Variants in CALN1 observed in about 807,000 individuals in gnomAD.
CALN1 encodes the protein calneuron 1.
CALN1 carries 17 observed loss-of-function variants against 30.6 expected under a neutral mutation model. The ratio of observed to expected loss-of-function variants is 0.56; its 90% CI spans 0.38 to 0.83. The LOEUF (loss-of-function observed/expected upper bound fraction) is 0.83. CALN1 is among the 40% of genes least tolerant of loss of function. The pLI, the probability that CALN1 is intolerant of heterozygous loss-of-function variation, is 0.00. For missense variants in CALN1, 291 were observed against 354.9 expected (o/e 0.82, Z 1.45); for synonymous variants, 156 against 131.4 (o/e 1.19, Z -1.28).
intron 5 of CALN1, among the ~76,000 whole-genome samples, chr7:71,929,699 T>C (rs1281968612): frequency 6.6e-6 from 1 of 152,260 alleles, no homozygotes; most frequent in Non-Finnish European, 1.5e-5. Context: ...AATGCAGCTA[T>C]GAATATTCTT....
intron 6 of CALN1, among the ~76,000 whole-genome samples, chr7:71,801,814 T>C (rs887070012): frequency 2.0e-5 from 3 of 151,832 alleles, no homozygotes; most frequent in East Asian, 1.9e-4. Context: ...CCGTCTCTAC[T>C]AAAAATACAA....
At chr7:72,139,324 C>T (rs543963433) in intron 3 of CALN1, among the ~76,000 whole-genome samples, 1 of 151,856 alleles carries the variant, frequency 6.6e-6, no homozygotes, top group South Asian at 2.1e-4. Context: ...CCCACCTCAG[C>T]CACGCCCAAC....
chr7:72,171,137 G>A (rs1788928137), intron 3 of CALN1, among the ~76,000 whole-genome samples: 2 of 152,022 alleles, frequency 1.3e-5, no homozygotes, highest in Non-Finnish European at 2.9e-5. Context: ...CAGCCTGGGT[G>A]ACAGAGTGAG....
chr7:71,990,534 C>T (rs1299611427), intron 5 of CALN1, among the ~76,000 whole-genome samples: 3 of 151,868 alleles, frequency 2.0e-5, no homozygotes, highest in Non-Finnish European at 4.4e-5. Flanking sequence ...CTCACTATAA[C>T]CTCTGCCTCC....
chr7:71,811,072 T>C lies in CALN1; in HGVS notation c.502-580A>G, dbSNP rs376654428. 2.0e-5 allele frequency among the ~76,000 whole-genome samples: 3 copies of C among 151,286 alleles called. No individual in the cohort carries two copies. In the South Asian group the frequency reaches 6.3e-4, roughly 32 times the overall value. On this transcript the variant is annotated intron_variant, in intron 5 of 6. Coordinates refer to ENST00000395275, the MANE Select transcript of CALN1 (RefSeq NM_031468.4). ...ACCACGCCCGGCTAATTTTTTTGTATGCTTAGTAGAGACGGGGTTTCACCG... is the reference window on the plus strand; with the variant it reads ...ACCACGCCCGGCTAATTTTTTTGTACGCTTAGTAGAGACGGGGTTTCACCG...
intron 2 of CALN1, among the ~76,000 whole-genome samples, chr7:72,342,460 T>C (rs943030402): frequency 1.3e-5 from 2 of 152,086 alleles, no homozygotes; most frequent in Non-Finnish European, 2.9e-5. Context: ...CCTATGAAAA[T>C]ACCAAAGAAA....
intron 1 of CALN1, among the ~76,000 whole-genome samples, chr7:72,433,117 A>G (rs1562966865): frequency 2.0e-5 from 3 of 152,142 alleles, no homozygotes; most frequent in Non-Finnish European, 2.9e-5. Flanking sequence ...CTGCTGGTAT[A>G]ATTCCATTTT....
upstream of CALN1, among the ~76,000 whole-genome samples, chr7:72,451,840 T>C (rs1410902274): frequency 2.2e-5 from 2 of 89,634 alleles, no homozygotes; most frequent in African/African-American, 9.6e-5. Flanking sequence ...TTAGATGTGG[T>C]GAATTAAAAA....
intron 3 of CALN1, among the ~76,000 whole-genome samples, chr7:72,271,434 T>C (rs1796963052): frequency 6.6e-6 from 1 of 151,214 alleles, no homozygotes; most frequent in South Asian, 2.1e-4. Flanking sequence ...TTTTGTTTTC[T>C]TTTTTCTGAG....
chr7:72,452,996 C>G, the CALN1 span, among the ~76,000 whole-genome samples: 3 of 152,218 alleles, frequency 2.0e-5, no homozygotes, highest in Non-Finnish European at 4.4e-5. Flanking sequence ...GAAAGGAAAG[C>G]AGCAGAGAGT....
chr7:72,345,101 TTA>T (rs1203895513), intron 2 of CALN1, among the ~76,000 whole-genome samples: 2 of 148,896 alleles, frequency 1.3e-5, no homozygotes, highest in Admixed American at 6.8e-5. Context: ...TGTTATATAA[TTA>T]TGTTATACGA....
chr7:72,338,529 C>CTGTCTG (rs1802228685), intron 2 of CALN1, among the ~76,000 whole-genome samples: 2 of 34,894 alleles, frequency 5.7e-5, no homozygotes, highest in African/African-American at 1.5e-4. Flanking sequence ...GTGTGTGTGT[C>CTGTCTG]TCACCTGGGT....
intron 5 of CALN1, among the ~76,000 whole-genome samples, chr7:72,013,648 C>T (rs963991153): frequency 6.6e-6 from 1 of 151,908 alleles, no homozygotes; most frequent in Non-Finnish European, 1.5e-5. Flanking sequence ...ACTTTTGTGC[C>T]AGTCAAAATA....
At chr7:72,387,282 G>A (rs1306649127) in intron 2 of CALN1, among the ~76,000 whole-genome samples, 12 of 66,422 alleles carry the variant, frequency 1.8e-4, no homozygotes, top group African/African-American at 6.8e-4. Flanking sequence ...GGAAGGGAGG[G>A]AGGGAGGGAG....
intron 2 of CALN1, among the ~76,000 whole-genome samples, chr7:72,322,106 C>G (rs983094007): frequency 6.6e-6 from 1 of 152,158 alleles, no homozygotes; most frequent in Non-Finnish European, 1.5e-5. Context: ...AATTCTACAA[C>G]TCACCATCAT....
Position 72,205,554 on chromosome 7 carries a change from AT to A in CALN1, c.244+73131del, listed in dbSNP as rs201827452. On this transcript the variant is annotated intron_variant, in intron 3 of 6. Coordinates refer to ENST00000395275, the MANE Select transcript of CALN1 (RefSeq NM_031468.4). Reference sequence around the variant, plus strand: ...TTTCTCCTGATTGCAAAAAAAAAATATATATATATATATGTATATATATATA... The same window carrying A: ...TTTCTCCTGATTGCAAAAAAAAAATAATATATATATATGTATATATATATA... Among the ~76,000 whole-genome samples the A allele has an allele frequency of 5.8e-4, 34 of 58,350 alleles. 2 individuals carry two copies. The highest frequency in any genetic ancestry group is 3.8e-3 in the African/African-American group (33 of 8,586). 38.3% of individuals were successfully genotyped at this position (58,350 alleles called of 152,430 possible). A position where few individuals can be genotyped will look rare whatever the true frequency, so the allele number is the denominator to read the frequency against.
chr7:72,143,508 C>A (rs1307950508), intron 3 of CALN1, among the ~76,000 whole-genome samples: 1 of 152,120 alleles, frequency 6.6e-6, no homozygotes, highest in African/African-American at 2.4e-5. Context: ...ATTGGTGTAC[C>A]TGAAAGTGAC....
At position 71,832,846 on chromosome 7, in the gene CALN1, T is replaced by G. The variant is rs149795200; in HGVS notation, c.502-22354A>C. On this transcript the variant is annotated intron_variant, in intron 5 of 6. Coordinates refer to ENST00000395275, the MANE Select transcript of CALN1 (RefSeq NM_031468.4). The stretch of plus-strand genomic sequence containing the variant: ...GTCTCGAACTCCTGAGTTCTGGTGA[T>G]CCACCCGCATTGGCCTCCCAAAGTG... Among the ~76,000 whole-genome samples, 423 of 152,048 alleles carry G rather than the reference T, an allele frequency of 2.8e-3. 1 individual carries two copies. Among genetic ancestry groups the G allele is most frequent in the African/African-American group, 9.7e-3 (402 of 41,450 alleles).
intron 3 of CALN1, among the ~76,000 whole-genome samples, chr7:72,116,295 G>A (rs970395799): frequency 6.6e-6 from 1 of 152,138 alleles, no homozygotes; most frequent in African/African-American, 2.4e-5. Flanking sequence ...AAGCATTTTA[G>A]GCAGTTTCAA....
Sources: gnomAD v4.1 joint callset for allele counts (sites outside exome capture counted in the v4.1 genomes callset) on GRCh38, gnomAD v4.1.1 for gene constraint, MANE v1.5 for transcripts, NCBI Gene and HGNC (gene_info 2026-07-23, HGNC 2026-07-21) for gene names.